TANC2: variants seen among roughly 807,000 people sequenced by gnomAD.
TANC2 encodes protein TANC2.
A neutral mutation model predicts 210.5 loss-of-function variants in TANC2; 26 were observed. That is an observed-to-expected ratio of 0.12 (90% confidence interval 0.09 to 0.17). The LOEUF (loss-of-function observed/expected upper bound fraction) is 0.17, where lower values mean the gene tolerates loss of function less well. TANC2 is among the 10% of genes least tolerant of loss of function. TANC2 has a pLI of 1.00. For synonymous variants in TANC2, 931 were observed against 967.1 expected (o/e 0.96, Z 0.69); for missense variants, 2,129 against 2,608.9 (o/e 0.82, Z 4.01).
chr17:62,995,250 T>G (rs2033052490), intron 1 of TANC2, among the ~76,000 whole-genome samples: 1 of 152,236 alleles, frequency 6.6e-6, no homozygotes. Context: ...CTGCAGTGGC[T>G]TAGATAGTGT....
At chr17:63,069,735 T>A (rs562404106) in intron 2 of TANC2, among the ~76,000 whole-genome samples, 1 of 152,334 alleles carries the variant, frequency 6.6e-6, no homozygotes, top group South Asian at 2.1e-4. Flanking sequence ...TTCACAGGCA[T>A]ATTATTTCAT....
At chr17:63,255,208 C>T (rs1164477880) in intron 8 of TANC2, among the ~76,000 whole-genome samples, 1 of 151,768 alleles carries the variant, frequency 6.6e-6, no homozygotes, top group Non-Finnish European at 1.5e-5. Flanking sequence ...GGGTTCACAC[C>T]ATTCTCCTGC....
exon 14 of TANC2, chr17:63,354,947 T>G: frequency 1.2e-6 from 2 of 1,613,898 alleles, no homozygotes; most frequent in Non-Finnish European, 1.7e-6. Flanking sequence ...ATACTACATT[T>G]GGCAAACTCA....
intron 4 of TANC2, among the ~76,000 whole-genome samples, chr17:63,131,320 A>G (rs1294532289): frequency 6.6e-6 from 1 of 152,206 alleles, no homozygotes; most frequent in Non-Finnish European, 1.5e-5. Flanking sequence ...TAGACTTTAA[A>G]AATTGTCATG....
At chr17:63,143,502 CAAG>C (rs2039360673) in intron 4 of TANC2, among the ~76,000 whole-genome samples, 1 of 152,150 alleles carries the variant, frequency 6.6e-6, no homozygotes, top group African/African-American at 2.4e-5. Flanking sequence ...AACTTCTGAA[CAAG>C]AAATGACTAA....
intron 2 of TANC2, among the ~76,000 whole-genome samples, chr17:63,010,668 A>T (rs1443663423): frequency 2.6e-5 from 4 of 152,116 alleles, no homozygotes; most frequent in Non-Finnish European, 1.5e-5. Context: ...CCTCTGTCCG[A>T]CTTGGCTACA....
At chr17:63,417,722 G>A (rs1599086495) in intron 26 of TANC2, among the ~76,000 whole-genome samples, 1 of 152,254 alleles carries the variant, frequency 6.6e-6, no homozygotes, top group East Asian at 1.9e-4. Flanking sequence ...GTATGGATGA[G>A]AAAATACACT....
intron 8 of TANC2, among the ~76,000 whole-genome samples, chr17:63,245,966 C>T (rs2042907233): frequency 6.6e-6 from 1 of 150,716 alleles, no homozygotes; most frequent in African/African-American, 2.4e-5. Flanking sequence ...GCCAAGATTG[C>T]ACCAGTGCAC....
In TANC2 at chr17:63,331,835, AGTGT is replaced by A. The variant is rs72378149; in HGVS notation, c.1576-8249_1576-8246del. The A allele has an allele frequency of 2.6e-3, 397 of 151,464 alleles. 2 individuals are homozygous for A. The highest frequency in any genetic ancestry group is 9.2e-3 in the African/African-American group (353 of 38,256). The allele number at this position is 151,464 out of a possible 1,614,324, so 9.4% of individuals were successfully genotyped here. On this transcript the variant is annotated intron_variant, in intron 11 of 27. Transcript: ENST00000689528. ...GCCTACAGTTTTACTGTAAGATAAG[AGTGT>A]GTGTGTGTGTGTGTGTCTGTGTGTG...
chr17:63,332,180 C>G (rs2045879445), intron 11 of TANC2: 2 of 377,384 alleles, frequency 5.3e-6, no homozygotes, highest in Non-Finnish European at 1.0e-5. Context: ...AAGCCACACA[C>G]TGTTTTTACA....
intron 20 of TANC2, 34 bp from the exon 21 acceptor site, chr17:63,406,120 G>C: frequency 6.2e-7 from 1 of 1,612,184 alleles, no homozygotes; most frequent in Non-Finnish European, 8.5e-7. Context: ...GCTCTTCTTT[G>C]GGCTAATTGG....
chr17:63,361,460 G>C (rs946211196), intron 14 of TANC2, among the ~76,000 whole-genome samples: 1 of 152,206 alleles, frequency 6.6e-6, no homozygotes, highest in African/African-American at 2.4e-5. Flanking sequence ...GCAACTCCAG[G>C]CACCAGCACA....
chr17:63,158,770 T>A (rs2039924971), intron 5 of TANC2, among the ~76,000 whole-genome samples: 4 of 152,220 alleles, frequency 2.6e-5, no homozygotes, highest in Admixed American at 1.3e-4. Context: ...TCATTTTCTA[T>A]GTGTCAGGAA....
intron 9 of TANC2, 130 bp from the exon 10 acceptor site, chr17:63,314,258 A>G: frequency 1.0e-6 from 1 of 985,280 alleles, no homozygotes. Flanking sequence ...CAGTTGCATT[A>G]TTTCTGAATA....
chr17:63,199,719 G>A (rs2041465772), intron 6 of TANC2, among the ~76,000 whole-genome samples: 1 of 152,032 alleles, frequency 6.6e-6, no homozygotes, highest in African/African-American at 2.4e-5. Flanking sequence ...GAAGAAAAGT[G>A]AATTGTCATT....
At chr17:63,037,809 T>G (rs769735493) in intron 2 of TANC2, among the ~76,000 whole-genome samples, 18 of 152,098 alleles carry the variant, frequency 1.2e-4, no homozygotes, top group Non-Finnish European at 1.9e-4. Flanking sequence ...CGAGACTCCA[T>G]CTCAAAAAAT....
chr17:63,252,391 T>G (rs760047366), intron 8 of TANC2, among the ~76,000 whole-genome samples: 2 of 152,264 alleles, frequency 1.3e-5, no homozygotes, highest in Admixed American at 1.3e-4. Flanking sequence ...TCTCTTTTAG[T>G]TATTTTTAAA....
rs3060700 is a variant in TANC2, at chr17:63,000,968, CAAAAA to C, written c.-23-8555_-23-8551del. Reference sequence around the variant, plus strand: ...GTAATTAAAAAAGTTTTAGAACTAGCAAAAAAAAAAAAAAAAAACCCTCTATATCT... The same window carrying C: ...GTAATTAAAAAAGTTTTAGAACTAGCAAAAAAAAAAAAACCCTCTATATCT... On this transcript the variant is annotated intron_variant, in intron 1 of 27. Transcript: ENST00000689528. 4.9e-3 allele frequency among the ~76,000 whole-genome samples: 594 copies of C among 121,988 alleles called. 5 individuals carry two copies. The highest frequency in any genetic ancestry group is 0.016 in the African/African-American group (574 of 35,726). The allele number at this position is 121,988 out of a possible 152,430, so 80.0% of individuals were successfully genotyped here.
chr17:63,103,807 A>G (rs2037722297), intron 4 of TANC2, among the ~76,000 whole-genome samples: 1 of 152,330 alleles, frequency 6.6e-6, no homozygotes, highest in Non-Finnish European at 1.5e-5. Context: ...AATAATGACA[A>G]TAATTTTCAT....
Sources: allele counts gnomAD v4.1 joint callset (sites outside exome capture counted in the v4.1 genomes callset), GRCh38; gene constraint gnomAD v4.1.1; transcripts MANE v1.5; gene names NCBI Gene and HGNC (gene_info 2026-07-23, HGNC 2026-07-21).